The following PDXDC1 variants were observed in gnomAD, a reference collection of about 807,000 sequenced individuals.
PDXDC1 encodes the protein pyridoxal dependent decarboxylase domain containing 1.
A neutral mutation model predicts 100.1 loss-of-function variants in PDXDC1; 42 were observed. That is an observed-to-expected ratio of 0.42 (90% CI 0.33 to 0.54). The LOEUF is 0.54. PDXDC1 is among the 20% of genes least tolerant of loss of function. The pLI is 0.10. For synonymous variants in PDXDC1, 260 were observed against 371.7 expected, an observed-to-expected ratio of 0.70 and a Z score of 3.46; for missense variants, 636 against 979.2, an observed-to-expected ratio of 0.65 and a Z score of 4.68.
At chr16:15,041,764 C>T (rs770958426), downstream of PDXDC1, 21 of 928,986 alleles carry the variant, frequency 2.3e-5, 1 homozygote, top group South Asian at 1.2e-4. Flanking sequence ...CAGGGAGGGA[C>T]GGCAGCCAAC....
intron 19 of PDXDC1, 97 bp downstream of exon 19, chr16:15,033,496 C>A (rs185006747): frequency 3.0e-6 from 4 of 1,353,860 alleles, no homozygotes; most frequent in African/African-American, 2.9e-5. Context: ...GATGTCTGTT[C>A]GTTGTCTCTC....
At chr16:15,098,694 C>T (rs968944926) in intron 16 of PDXDC1, among the ~76,000 whole-genome samples, 93 of 151,824 alleles carry the variant, frequency 6.1e-4, no homozygotes, top group African/African-American at 2.0e-3. Context: ...GCCTGACCAA[C>T]ATGGAAAAAC....
chr16:15,072,998 G>A, intron 16 of PDXDC1: 9 of 1,613,706 alleles, frequency 5.6e-6, no homozygotes, highest in Non-Finnish European at 7.6e-6. Context: ...CATGGCAGGA[G>A]GCATGGGTGG....
At chr16:15,035,595 CCT>C (rs752971192) in intron 22 of PDXDC1, 42 bp downstream of exon 22, 55 of 1,230,912 alleles carry the variant, frequency 4.5e-5, no homozygotes, top group Admixed American at 2.3e-5. Context: ...ACAGGTTTCC[CCT>C]GTTGACTGTT....
intron 16 of PDXDC1, chr16:15,056,092 C>G (rs1329446190): frequency 3.7e-6 from 1 of 271,510 alleles, no homozygotes; most frequent in South Asian, 1.4e-4. Context: ...CCCGCCCCAC[C>G]GCGGGCGCTG....
At chr16:15,105,148 ACAGACAG>A (rs1398872130) in intron 16 of PDXDC1, among the ~76,000 whole-genome samples, 1 of 116,046 alleles carries the variant, frequency 8.6e-6, no homozygotes. Flanking sequence ...CACCAGGTCA[ACAGACAG>A]TAAGAGACAG....
chr16:14,978,342 A>G (rs1215611293), intron 1 of PDXDC1, among the ~76,000 whole-genome samples: 1 of 152,294 alleles, frequency 6.6e-6, no homozygotes, highest in African/African-American at 2.4e-5. Context: ...AATCACTATA[A>G]TGATGAAGAT....
chr16:15,091,656 G>A (rs186728591), intron 16 of PDXDC1, among the ~76,000 whole-genome samples: 1 of 152,114 alleles, frequency 6.6e-6, no homozygotes, highest in African/African-American at 2.4e-5. Flanking sequence ...AAAAGCATGA[G>A]GGAAAAAAAC....
At chr16:15,149,666 A>G in the PDXDC1 span, among the ~76,000 whole-genome samples, 1 of 152,158 alleles carries the variant, frequency 6.6e-6, no homozygotes, top group Non-Finnish European at 1.5e-5. Flanking sequence ...GTGCTCCTAT[A>G]TTTTACATCA....
chr16:15,094,048 G>A (rs1261308052), intron 16 of PDXDC1: 23 of 1,096,584 alleles, frequency 2.1e-5, no homozygotes, highest in Non-Finnish European at 3.0e-5. Context: ...CCTATCACAC[G>A]CCATGAGCTT....
chr16:15,116,565 A>G (rs1311127142), intron 16 of PDXDC1, among the ~76,000 whole-genome samples: 2 of 119,562 alleles, frequency 1.7e-5, no homozygotes, highest in Admixed American at 9.6e-5. Flanking sequence ...GATTGTTGAT[A>G]TTAATTCCAT....
At chr16:15,046,664 G>A (rs545556141) in intron 16 of PDXDC1, among the ~76,000 whole-genome samples, 3 of 142,132 alleles carry the variant, frequency 2.1e-5, no homozygotes, top group South Asian at 2.2e-4. Flanking sequence ...GTTTAAGACC[G>A]GCCTGGGCAA....
chr16:15,139,604 G>T (rs2048431240), downstream of PDXDC1, among the ~76,000 whole-genome samples: 2 of 149,374 alleles, frequency 1.3e-5, no homozygotes, highest in Admixed American at 1.3e-4. Context: ...AGCATAGCAA[G>T]ACCCCATCTC....
chr16:15,008,555 T>G (rs1267920257), intron 6 of PDXDC1, among the ~76,000 whole-genome samples: 2 of 152,250 alleles, frequency 1.3e-5, no homozygotes, highest in Non-Finnish European at 2.9e-5. Flanking sequence ...TTTAGAAAAT[T>G]TTACATTATA....
chr16:15,001,666 G>T, intron 3 of PDXDC1, 110 bp from the exon 4 acceptor site: 1 of 888,316 alleles, frequency 1.1e-6, no homozygotes. Context: ...AGTTGCTTAA[G>T]AAAGAAAAAA....
downstream of PDXDC1, among the ~76,000 whole-genome samples, chr16:15,141,521 T>A (rs1220807427): frequency 6.6e-6 from 1 of 152,114 alleles, no homozygotes; most frequent in East Asian, 1.9e-4. Context: ...TGTGGGACAC[T>A]CAGAGAGCCT....
intron 16 of PDXDC1, chr16:15,108,318 T>G (rs1366556344): frequency 4.4e-6 from 4 of 906,314 alleles, no homozygotes; most frequent in Non-Finnish European, 5.3e-6. Flanking sequence ...CCCAGAACGC[T>G]AGGAAACAGG....
intron 16 of PDXDC1, among the ~76,000 whole-genome samples, chr16:15,055,388 GGA>G (rs1043924237): frequency 1.3e-5 from 2 of 152,216 alleles, no homozygotes; most frequent in Admixed American, 6.5e-5. Flanking sequence ...CGGGGGTAGG[GGA>G]GAGAGAGGAG....
intron 16 of PDXDC1, chr16:15,123,337 C>A (rs141289237): frequency 4.2e-6 from 5 of 1,194,672 alleles, no homozygotes; most frequent in Admixed American, 2.0e-5. Context: ...TGCTTCTGGG[C>A]GCTCCTTCCT....
Sources: gnomAD v4.1 joint callset for allele counts (sites outside exome capture counted in the v4.1 genomes callset) on GRCh38, gnomAD v4.1.1 for gene constraint, MANE v1.5 for transcripts, NCBI Gene and HGNC (gene_info 2026-07-23, HGNC 2026-07-21) for gene names.